Variants in RPS6KC1 observed in about 807,000 individuals in gnomAD.
RPS6KC1 encodes ribosomal protein S6 kinase C1, also known as inactive ribosomal protein S6 kinase delta-1.
Under a neutral mutation model 103.8 loss-of-function variants are expected in RPS6KC1, and 54 were observed. That is an observed-to-expected ratio of 0.52 (90% CI 0.42 to 0.65). RPS6KC1 has a LOEUF of 0.65. Among genes scored for constraint, RPS6KC1 ranks in the 30% least tolerant of loss-of-function variants. The probability of loss-of-function intolerance (pLI) is 0.00; values close to 1 mark genes in which losing one functional copy is unlikely to be tolerated. For missense variants in RPS6KC1, 1,151 were observed against 1,253.8 expected (o/e 0.92, Z 1.24); for synonymous variants, 439 against 438.7 (o/e 1.00, Z -0.01).
At chr1:213,572,490 G>C in the RPS6KC1 span, among the ~76,000 whole-genome samples, 1 of 152,080 alleles carries the variant, frequency 6.6e-6, no homozygotes, top group African/African-American at 2.4e-5. Context: ...TCCCAGACTG[G>C]GGAAATATTA....
chr1:213,495,132 A>G, the RPS6KC1 span, among the ~76,000 whole-genome samples: 1 of 152,202 alleles, frequency 6.6e-6, no homozygotes, highest in African/African-American at 2.4e-5. Context: ...ACATAGGTAC[A>G]TTTTGAAAGA....
chr1:213,644,421 C>T, the RPS6KC1 span, among the ~76,000 whole-genome samples: 3 of 152,062 alleles, frequency 2.0e-5, no homozygotes, highest in Non-Finnish European at 4.4e-5. Context: ...CTTGATATTG[C>T]ACTTTCTATG....
At chr1:213,284,212 A>G in the RPS6KC1 span, among the ~76,000 whole-genome samples, 1 of 152,264 alleles carries the variant, frequency 6.6e-6, no homozygotes, top group Non-Finnish European at 1.5e-5. Context: ...TGAAGACTAA[A>G]TTAGAGGGCA....
chr1:213,188,409 T>C (rs916069318), intron 8 of RPS6KC1, among the ~76,000 whole-genome samples: 3 of 149,264 alleles, frequency 2.0e-5, no homozygotes, highest in Non-Finnish European at 4.4e-5. Flanking sequence ...TCAGAGTTGT[T>C]TTTTGTTTGT....
the RPS6KC1 span, among the ~76,000 whole-genome samples, chr1:213,766,942 T>C: frequency 3.3e-5 from 5 of 152,100 alleles, no homozygotes; most frequent in African/African-American, 9.7e-5. Flanking sequence ...AGAACCCCGG[T>C]TTTTATATTT....
At chr1:213,675,310 C>G in the RPS6KC1 span, among the ~76,000 whole-genome samples, 33 of 152,096 alleles carry the variant, frequency 2.2e-4, no homozygotes, top group Non-Finnish European at 4.1e-4. Context: ...CTAGTAGAGC[C>G]CTTGGAGTCC....
At position 213,272,683 on chromosome 1, in the gene RPS6KC1, C is replaced by T; in HGVS notation, c.*49C>T. Reference sequence around the variant, plus strand: ...ACATTCTGATCTTCTCTGTGACAGGCATCTCCAGCACTGAGGCACCTCTGA... The same window carrying T: ...ACATTCTGATCTTCTCTGTGACAGGTATCTCCAGCACTGAGGCACCTCTGA... On this transcript the variant is annotated 3_prime_UTR_variant, in exon 15 of 15. Coordinates refer to ENST00000366960, the MANE Select transcript of RPS6KC1 (RefSeq NM_012424.6). 7.2e-7 allele frequency: 1 copy of T among 1,386,550 alleles called. No individual in the cohort carries two copies. Among genetic ancestry groups the T allele is most frequent in the Non-Finnish European group, 1.0e-6 (1 of 975,102 alleles). The allele number at this position is 1,386,550 out of a possible 1,614,324, so 85.9% of individuals were successfully genotyped here. A position where few individuals can be genotyped will look rare whatever the true frequency, so the allele number is the denominator to read the frequency against.
At chr1:213,160,099 T>C (rs1023249819) in intron 6 of RPS6KC1, among the ~76,000 whole-genome samples, 2 of 152,356 alleles carry the variant, frequency 1.3e-5, no homozygotes, top group Admixed American at 6.5e-5. Context: ...ATTACACAGT[T>C]CAGCTTATTT....
chr1:213,779,231 T>C, the RPS6KC1 span, among the ~76,000 whole-genome samples: 88,363 of 152,074 alleles, frequency 0.58, 27,568 homozygotes, highest in East Asian at 0.91. Flanking sequence ...GCCACGGCCC[T>C]GAGTGCCATA....
At chr1:213,847,615 A>T in the RPS6KC1 span, among the ~76,000 whole-genome samples, 9 of 152,140 alleles carry the variant, frequency 5.9e-5, no homozygotes, top group African/African-American at 1.9e-4. Flanking sequence ...GCTGAAACCC[A>T]CTGAAAGTGT....
chr1:213,570,426 C>T, the RPS6KC1 span, among the ~76,000 whole-genome samples: 50 of 152,288 alleles, frequency 3.3e-4, no homozygotes, highest in Admixed American at 5.2e-4. Context: ...TACGGACCCA[C>T]GTCCCAACTG....
the RPS6KC1 span, among the ~76,000 whole-genome samples, chr1:213,637,614 G>A: frequency 6.6e-6 from 1 of 152,068 alleles, no homozygotes; most frequent in East Asian, 1.9e-4. Context: ...ATTACTGGTT[G>A]AAATGATAAG....
At chr1:213,456,746 G>A in the RPS6KC1 span, among the ~76,000 whole-genome samples, 16 of 152,228 alleles carry the variant, frequency 1.1e-4, no homozygotes, top group East Asian at 2.9e-3. Context: ...CCATAATAAT[G>A]CACCTTAAAA....
intron 8 of RPS6KC1, among the ~76,000 whole-genome samples, chr1:213,204,380 A>G (rs1332128215): frequency 6.6e-6 from 1 of 152,126 alleles, no homozygotes. Flanking sequence ...CTTTGATGCT[A>G]TTAATTAGTT....
At chr1:213,223,025 A>G (rs1299664753) in intron 8 of RPS6KC1, among the ~76,000 whole-genome samples, 1 of 152,180 alleles carries the variant, frequency 6.6e-6, no homozygotes, top group East Asian at 1.9e-4. Context: ...AAATCGGTCT[A>G]GTACTATTTT....
the RPS6KC1 span, among the ~76,000 whole-genome samples, chr1:213,640,059 C>A: frequency 6.6e-5 from 10 of 151,982 alleles, no homozygotes; most frequent in East Asian, 1.9e-3. Context: ...ACTACAAATT[C>A]AATTTCTTTG....
chr1:213,794,782 C>G, the RPS6KC1 span, among the ~76,000 whole-genome samples: 1 of 152,164 alleles, frequency 6.6e-6, no homozygotes, highest in Non-Finnish European at 1.5e-5. Flanking sequence ...GTGCCCACAT[C>G]CATGTTTAAA....
the RPS6KC1 span, chr1:213,822,521 C>T: frequency 1.3e-5 from 2 of 152,186 alleles, no homozygotes; most frequent in African/African-American, 2.4e-5. Flanking sequence ...CCTGACTTCT[C>T]TTTGAACTTC....
chr1:213,074,843 A>ATTTTT (rs752747801), intron 2 of RPS6KC1, among the ~76,000 whole-genome samples: 1,024 of 71,306 alleles, frequency 0.014, 208 homozygotes, highest in East Asian at 0.064. Flanking sequence ...ACTAGAATAA[A>ATTTTT]TTTTTTTTTT....
Sources: allele counts gnomAD v4.1 joint callset (sites outside exome capture counted in the v4.1 genomes callset), GRCh38; gene constraint gnomAD v4.1.1; transcripts MANE v1.5; gene names NCBI Gene and HGNC (gene_info 2026-07-23, HGNC 2026-07-21).